Variants in CACNA1C observed in about 807,000 individuals in gnomAD.
CACNA1C encodes the protein voltage-dependent L-type calcium channel subunit alpha-1C.
Under a neutral mutation model 229.0 loss-of-function variants are expected in CACNA1C, and 30 were observed. That is an observed-to-expected ratio of 0.13 (90% CI 0.10 to 0.18). CACNA1C has a LOEUF of 0.18. Among genes scored for constraint, CACNA1C ranks in the 10% least tolerant of loss-of-function variants. The probability of loss-of-function intolerance (pLI) is 1.00; values close to 1 mark genes in which losing one functional copy is unlikely to be tolerated. For missense variants in CACNA1C, 1,658 were observed against 2,845.0 expected (o/e 0.58, Z 9.49); for synonymous variants, 1,114 against 1,132.5 (o/e 0.98, Z 0.33).
rs2062281968 is a variant in CACNA1C, at chr12:2,585,986, T to C, written c.2530+82T>C. 1.3e-6 allele frequency: 1 copy of C among 750,186 alleles called. No homozygotes were observed. Among genetic ancestry groups the C allele is most frequent in the Non-Finnish European group, 2.2e-6 (1 of 462,146 alleles). 46.5% of individuals were successfully genotyped at this position (750,186 alleles called of 1,614,324 possible). ...CTAAAGCCACGTGGGAGTGGCCATA[T>C]ATTAGGGACCATGGTTCCAGTGTCC... On this transcript the variant is annotated intron_variant, in intron 18 of 46. Transcript: ENST00000399655. The surrounding 1 kb of genome is among the most constrained non-coding windows in gnomAD (Gnocchi z 4.1).
At chr12:2,436,829 A>G (rs531467539) in intron 3 of CACNA1C, among the ~76,000 whole-genome samples, 2 of 152,284 alleles carry the variant, frequency 1.3e-5, no homozygotes, top group South Asian at 2.1e-4. Context: ...GGAAGCCCCA[A>G]ATTAAGGTGG....
At chr12:2,043,190 T>C (rs2050438777) in intron 1 of CACNA1C, among the ~76,000 whole-genome samples, 1 of 152,216 alleles carries the variant, frequency 6.6e-6, no homozygotes, top group South Asian at 2.1e-4. Context: ...GGAACAGAAG[T>C]CAATTCAATG....
chr12:2,175,274 A>G (rs983346613), intron 3 of CACNA1C, among the ~76,000 whole-genome samples: 1 of 152,196 alleles, frequency 6.6e-6, no homozygotes, highest in African/African-American at 2.4e-5. Flanking sequence ...AAGTCTACAC[A>G]TTACATTTGC....
intron 4 of CACNA1C, among the ~76,000 whole-genome samples, chr12:2,453,064 T>C (rs932169807): frequency 3.9e-5 from 6 of 151,926 alleles, no homozygotes; most frequent in African/African-American, 1.5e-4. Flanking sequence ...CTGGACAGGG[T>C]TCTCAAACTT....
intron 13 of CACNA1C, among the ~76,000 whole-genome samples, chr12:2,568,725 C>T (rs2052674496): frequency 6.6e-6 from 1 of 151,872 alleles, no homozygotes. Context: ...GTCAGATTCA[C>T]AGAGACAGAA....
intron 1 of CACNA1C, among the ~76,000 whole-genome samples, chr12:2,006,589 T>C (rs2043509266): frequency 6.6e-6 from 1 of 152,194 alleles, no homozygotes; most frequent in Admixed American, 6.5e-5. Flanking sequence ...AGAAATATCA[T>C]AGATACGGCA....
chr12:2,279,930 G>C (rs943072379), intron 3 of CACNA1C, among the ~76,000 whole-genome samples: 1 of 152,184 alleles, frequency 6.6e-6, no homozygotes, highest in Admixed American at 6.5e-5. Context: ...GGCAGGAGGA[G>C]GTGTGTCCTA....
chr12:1,984,512 C>A (rs2037074473), intron 1 of CACNA1C, among the ~76,000 whole-genome samples: 1 of 151,944 alleles, frequency 6.6e-6, no homozygotes, highest in Non-Finnish European at 1.5e-5. Context: ...GGTCCATTTA[C>A]CCTCTCTTTT....
rs1000007202 is a variant in CACNA1C, at chr12:2,467,604, G to A, written c.757+9898G>A. 1.3e-5 allele frequency among the ~76,000 whole-genome samples: 2 copies of A among 152,138 alleles called. No individual in the cohort carries two copies. Among genetic ancestry groups the A allele is most frequent in the African/African-American group, 2.4e-5 (1 of 41,420 alleles). ...CAGAGACAGCAGGGGGTGGCGGGGG[G>A]CCCTTCACACTGCAGGAGGCTTGCC... is the stretch of plus-strand genomic sequence containing the variant. On this transcript the variant is annotated intron_variant, in intron 5 of 46. Transcript: ENST00000399655. The surrounding 1 kb of genome is among the most constrained non-coding windows in gnomAD (Gnocchi z 4.6).
chr12:2,458,231 A>G (rs1009218718), intron 5 of CACNA1C, among the ~76,000 whole-genome samples: 1 of 152,178 alleles, frequency 6.6e-6, no homozygotes, highest in Non-Finnish European at 1.5e-5. Context: ...TGGAAATACC[A>G]CGCCTGTCAT....
intron 9 of CACNA1C, among the ~76,000 whole-genome samples, chr12:2,527,188 A>G (rs2099819876): frequency 6.6e-6 from 1 of 152,342 alleles, no homozygotes; most frequent in South Asian, 2.1e-4. Context: ...TTTGACTAAC[A>G]TGGCCCAAGT....
intron 30 of CACNA1C, among the ~76,000 whole-genome samples, chr12:2,635,087 G>A (rs1379718654): frequency 6.6e-6 from 1 of 152,102 alleles, no homozygotes. Context: ...TGCTCTGGGT[G>A]GACCTTTCCT....
intron 43 of CACNA1C, among the ~76,000 whole-genome samples, chr12:2,685,192 G>A (rs1276172728): frequency 1.3e-5 from 2 of 151,744 alleles, no homozygotes; most frequent in Non-Finnish European, 2.9e-5. Context: ...CAAAGGCCTG[G>A]AAGCCATAGA....
chr12:2,675,445 G>A (rs1476896491), intron 39 of CACNA1C, among the ~76,000 whole-genome samples: 1 of 152,134 alleles, frequency 6.6e-6, no homozygotes, highest in Non-Finnish European at 1.5e-5. Context: ...TTAAATAAGT[G>A]TGTGTATAAA....
intron 9 of CACNA1C, among the ~76,000 whole-genome samples, chr12:2,515,463 A>G (rs2099794647): frequency 6.6e-6 from 1 of 152,224 alleles, no homozygotes; most frequent in Non-Finnish European, 1.5e-5. Flanking sequence ...CGTTTGAAGC[A>G]TGTGTGTTTC....
chr12:2,255,079 G>T (rs1454353572), intron 3 of CACNA1C, among the ~76,000 whole-genome samples: 1 of 152,142 alleles, frequency 6.6e-6, no homozygotes, highest in Non-Finnish European at 1.5e-5. Context: ...CACGGCTGTG[G>T]ATGCGTAGAG....
intron 1 of CACNA1C, chr12:2,004,669 C>T: frequency 1.8e-6 from 1 of 544,476 alleles, no homozygotes; most frequent in East Asian, 3.2e-5. Flanking sequence ...CAGGCCTGCC[C>T]TCTGCATCCC....
chr12:2,685,091 G>A (rs191886104), intron 43 of CACNA1C, among the ~76,000 whole-genome samples: 53 of 152,296 alleles, frequency 3.5e-4, no homozygotes, highest in African/African-American at 1.2e-3. Flanking sequence ...CGCATGCACC[G>A]AGGGTAACCA....
At chr12:2,671,699 A>G (rs1001367934) in intron 38 of CACNA1C, among the ~76,000 whole-genome samples, 4 of 152,382 alleles carry the variant, frequency 2.6e-5, no homozygotes, top group African/African-American at 9.6e-5. Context: ...TAACAATGCG[A>G]AAGACTGACC....
Sources: gnomAD v4.1 joint callset for allele counts (sites outside exome capture counted in the v4.1 genomes callset) on GRCh38, gnomAD v4.1.1 for gene constraint, Gnocchi (gnomAD v3.1) non-coding constraint, MANE v1.5 for transcripts, NCBI Gene and HGNC (gene_info 2026-07-23, HGNC 2026-07-21) for gene names.